Variants in IGF2BP2 observed in about 807,000 individuals in gnomAD.
The protein encoded by IGF2BP2 is insulin-like growth factor 2 mRNA-binding protein 2.
In IGF2BP2, 17 loss-of-function variants were observed where a neutral mutation model predicts 75.8. The observed-to-expected ratio is 0.22, with a 90% CI of 0.15 to 0.34. The LOEUF (loss-of-function observed/expected upper bound fraction) is 0.34, where lower values mean the gene tolerates loss of function less well. Ranked by LOEUF, IGF2BP2 falls within the 10% of genes least tolerant of loss-of-function variation. The pLI is 1.00. For missense variants in IGF2BP2, 516 were observed against 772.4 expected (o/e 0.67, Z 3.93); for synonymous variants, 288 against 295.6 (o/e 0.97, Z 0.26).
At chr3:185,681,907 A>C (rs1275410462) in intron 7 of IGF2BP2, among the ~76,000 whole-genome samples, 1 of 152,228 alleles carries the variant, frequency 6.6e-6, no homozygotes, top group Non-Finnish European at 1.5e-5. Flanking sequence ...ATATACAAAG[A>C]TTAACTCAAA....
At chr3:185,747,692 TAAATAAA>T (rs1730428727) in intron 2 of IGF2BP2, among the ~76,000 whole-genome samples, 1 of 151,782 alleles carries the variant, frequency 6.6e-6, no homozygotes, top group African/African-American at 2.4e-5. Flanking sequence ...AATAAATAAA[TAAATAAA>T]ATAGTCCATA....
chr3:185,680,987 C>T (rs1056282799), intron 7 of IGF2BP2, among the ~76,000 whole-genome samples: 1 of 152,146 alleles, frequency 6.6e-6, no homozygotes, highest in South Asian at 2.1e-4. Flanking sequence ...TCACACTCAA[C>T]GATGAAAGAC....
chr3:185,818,067 T>C (rs1740838264), intron 2 of IGF2BP2, among the ~76,000 whole-genome samples: 1 of 152,234 alleles, frequency 6.6e-6, no homozygotes. Context: ...AATTCAACAT[T>C]TTTAAGTCTC....
At chr3:185,691,819 T>G (rs1369106976) in intron 5 of IGF2BP2, among the ~76,000 whole-genome samples, 1 of 151,970 alleles carries the variant, frequency 6.6e-6, no homozygotes, top group Non-Finnish European at 1.5e-5. Flanking sequence ...ACTGCAGCCT[T>G]ACCATCCTGG....
intron 7 of IGF2BP2, among the ~76,000 whole-genome samples, chr3:185,678,447 A>G (rs1719876808): frequency 6.6e-6 from 1 of 152,204 alleles, no homozygotes; most frequent in Non-Finnish European, 1.5e-5. Context: ...AAAATGCTGA[A>G]TTCTCTTAAT....
In IGF2BP2 at chr3:185,646,180, GAGCTGAGCTGGGAGAC is replaced by G. The variant is rs1477946536; in HGVS notation, c.1708-573_1708-558del. Among the ~76,000 whole-genome samples the G allele has an allele frequency of 2.0e-5, 3 of 152,322 alleles. No individual in the cohort carries two copies. The East Asian group carries it at 5.8e-4, about 29-fold the overall frequency. On this transcript the variant is annotated intron_variant, in intron 15 of 15. Coordinates refer to ENST00000382199, the MANE Select transcript of IGF2BP2 (RefSeq NM_006548.6). ...TCAGACACATTCCCAGGGCCCTGAGGAGCTGAGCTGGGAGACAGCAGACAGGGGCGTGGCCAGGGAC... is the reference window on the plus strand; with the variant it reads ...TCAGACACATTCCCAGGGCCCTGAGGAGCAGACAGGGGCGTGGCCAGGGAC...
chr3:185,703,010 C>T (rs1723526490), intron 2 of IGF2BP2, among the ~76,000 whole-genome samples: 1 of 152,180 alleles, frequency 6.6e-6, no homozygotes, highest in Admixed American at 6.5e-5. Context: ...CTCTCAAATT[C>T]AAGTAAACTA....
intron 10 of IGF2BP2, among the ~76,000 whole-genome samples, chr3:185,663,967 G>A (rs2149140894): frequency 6.6e-6 from 1 of 152,306 alleles, no homozygotes; most frequent in Non-Finnish European, 1.5e-5. Context: ...ATGATAGAGT[G>A]ATACCAGACT....
chr3:185,735,459 T>C (rs765832419), intron 2 of IGF2BP2, among the ~76,000 whole-genome samples: 10 of 152,226 alleles, frequency 6.6e-5, no homozygotes, highest in Admixed American at 1.3e-4. Context: ...CATCCCTTAA[T>C]CTATGTGCAC....
chr3:185,746,629 C>A (rs1330186855), intron 2 of IGF2BP2, among the ~76,000 whole-genome samples: 1 of 152,064 alleles, frequency 6.6e-6, no homozygotes, highest in East Asian at 1.9e-4. Flanking sequence ...GCTTTGTGTA[C>A]CTTTATGAGG....
chr3:185,808,241 C>T (rs961984055), intron 2 of IGF2BP2, among the ~76,000 whole-genome samples: 1 of 151,900 alleles, frequency 6.6e-6, no homozygotes, highest in Non-Finnish European at 1.5e-5. Flanking sequence ...TTTGGAAGGC[C>T]GAGGCGGGTG....
chr3:185,822,824 C>T (rs1741531251), intron 2 of IGF2BP2, among the ~76,000 whole-genome samples: 1 of 141,398 alleles, frequency 7.1e-6, no homozygotes, highest in Non-Finnish European at 1.5e-5. Flanking sequence ...CAAGCATTTG[C>T]TGCTATTCTG....
At chr3:185,651,509 CT>C (rs1235334016) in intron 13 of IGF2BP2, among the ~76,000 whole-genome samples, 2 of 152,308 alleles carry the variant, frequency 1.3e-5, no homozygotes, top group South Asian at 2.1e-4. Context: ...CCTGCTGCCC[CT>C]GGCTGAGGCT....
chr3:185,781,529 A>G (rs1487035711), intron 2 of IGF2BP2, among the ~76,000 whole-genome samples: 1 of 152,200 alleles, frequency 6.6e-6, no homozygotes, highest in African/African-American at 2.4e-5. Context: ...GTTACAGTGG[A>G]TCCTGGATAT....
intron 2 of IGF2BP2, among the ~76,000 whole-genome samples, chr3:185,699,016 T>C (rs1368853501): frequency 1.3e-5 from 2 of 152,120 alleles, no homozygotes; most frequent in Non-Finnish European, 2.9e-5. Context: ...GAGTTCAACA[T>C]GTTGGCCAGG....
rs1460353472 is a variant in IGF2BP2 at position 185,791,221 on chromosome 3, T to C, written c.239+31932A>G. ...TCACACATAGGTGATTAACAAACCT[T>C]TGATGAATAAGTACATAAAAAGATC... On this transcript the variant is annotated intron_variant, in intron 2 of 15. Coordinates refer to ENST00000382199, the MANE Select transcript of IGF2BP2 (RefSeq NM_006548.6). 2.0e-5 allele frequency among the ~76,000 whole-genome samples: 3 copies of C among 152,238 alleles called. No individual in the cohort carries two copies. In the East Asian group the frequency reaches 5.8e-4, roughly 29 times the overall value.
chr3:185,738,899 G>A (rs1473976022), intron 2 of IGF2BP2, among the ~76,000 whole-genome samples: 4 of 152,074 alleles, frequency 2.6e-5, no homozygotes, highest in African/African-American at 4.8e-5. Context: ...TACTTTCTCA[G>A]GTAAAGTGGG....
intron 10 of IGF2BP2, among the ~76,000 whole-genome samples, chr3:185,670,920 C>A (rs1718408403): frequency 6.6e-6 from 1 of 152,138 alleles, no homozygotes; most frequent in South Asian, 2.1e-4. Flanking sequence ...TTTTTCTCTC[C>A]CCACTTATAT....
chr3:185,779,738 CG>C (rs1232468218), intron 2 of IGF2BP2, among the ~76,000 whole-genome samples: 7 of 146,454 alleles, frequency 4.8e-5, no homozygotes, highest in Admixed American at 4.7e-4. Context: ...TCTAGACCAC[CG>C]TAACTGTCCT....
Sources: allele counts gnomAD v4.1 joint callset (sites outside exome capture counted in the v4.1 genomes callset), GRCh38; gene constraint gnomAD v4.1.1; transcripts MANE v1.5; gene names NCBI Gene and HGNC (gene_info 2026-07-23, HGNC 2026-07-21).